Variants in ZKSCAN5 observed in about 807,000 individuals in gnomAD.
The protein encoded by ZKSCAN5 is zinc finger with KRAB and SCAN domains 5, also known as zinc finger protein with KRAB and SCAN domains 5.
A neutral mutation model predicts 60.0 loss-of-function variants in ZKSCAN5; 28 were observed. The observed-to-expected ratio is 0.47, with a 90% CI of 0.35 to 0.64. ZKSCAN5 has a LOEUF of 0.64. Among genes scored for constraint, ZKSCAN5 ranks in the 30% least tolerant of loss-of-function variants. The probability of loss-of-function intolerance (pLI) is 0.01; values close to 1 mark genes in which losing one functional copy is unlikely to be tolerated. For synonymous variants in ZKSCAN5, 361 were observed against 371.2 expected, an observed-to-expected ratio of 0.97 and a Z score of 0.31; for missense variants, 881 against 1,034.6, an observed-to-expected ratio of 0.85 and a Z score of 2.04.
At chr7:99,512,731 C>T (rs1170080646) in intron 3 of ZKSCAN5, 140 bp downstream of exon 3, 2 of 1,088,292 alleles carry the variant, frequency 1.8e-6, no homozygotes, top group Non-Finnish European at 2.4e-6. Flanking sequence ...AGGGAAAGGC[C>T]AGGGACCTGG....
intron 1 of ZKSCAN5, chr7:99,505,009 CA>C (rs1464351074): frequency 6.6e-6 from 1 of 152,420 alleles, no homozygotes; most frequent in Non-Finnish European, 1.5e-5. Context: ...TGGGATGGAG[CA>C]GGGGAGAGAG....
rs1800707978 is a variant in ZKSCAN5 at position 99,506,057 on chromosome 7, G to A, written c.13G>A (p.Glu5Lys). ...CCTCTGAGTTGGAATGATAATGACC[G>A]AATCCCGAGAAGTTATAGACTTAGA... MIMT[E>K]SREVIDLDPP... The change falls in exon 2 of 7, where the codon GAA (glutamate) becomes AAA (lysine). Residue 5 changes from glutamate (E) to lysine (K), a missense_variant. Physicochemically the swap from Glu to Lys is moderately conservative, Grantham distance 56. Coordinates refer to ENST00000326775, the MANE Select transcript of ZKSCAN5 (RefSeq NM_145102.4). The A allele has an allele frequency of 1.2e-6, 2 of 1,613,248 alleles. No homozygotes were observed. The highest frequency in any genetic ancestry group is 8.5e-7 in the Non-Finnish European group (1 of 1,179,490).
chr7:99,512,570 C>T lies in ZKSCAN5; in HGVS notation c.532C>T (p.Pro178Ser). Reference sequence around the variant, plus strand: ...CCAGCCTGAGCAAGCGCCACAGAAGCCTCGTCTCCTGGAGGAAAATGGTGA... The same window carrying T: ...CCAGCCTGAGCAAGCGCCACAGAAGTCTCGTCTCCTGGAGGAAAATGGTGA... ...DTQPEQAPQKPRLLEENALPV... is the reference protein window; with the variant it reads ...DTQPEQAPQKSRLLEENALPV... Residue 178 changes from proline to serine, a missense_variant, in exon 3 of 7, where the codon CCT (proline) becomes TCT (serine). Physicochemically the swap from Pro to Ser is moderately conservative, Grantham distance 74 (BLOSUM62 -1). Coordinates refer to ENST00000326775, the MANE Select transcript of ZKSCAN5 (RefSeq NM_145102.4). 1 of 1,614,092 alleles carries T rather than the reference C, an allele frequency of 6.2e-7. No homozygotes were observed. Among genetic ancestry groups the T allele is most frequent in the South Asian group, 1.1e-5 (1 of 91,082 alleles).
chr7:99,509,894 C>T (rs1368913709), intron 2 of ZKSCAN5, among the ~76,000 whole-genome samples: 2 of 151,998 alleles, frequency 1.3e-5, no homozygotes, highest in Non-Finnish European at 2.9e-5. Flanking sequence ...GAGTTGTAAG[C>T]GTTATTTATC....
chr7:99,514,234 T>C (rs997523481), intron 3 of ZKSCAN5, among the ~76,000 whole-genome samples: 9 of 152,212 alleles, frequency 5.9e-5, no homozygotes, highest in African/African-American at 2.2e-4. Context: ...TTGTTCATCA[T>C]TGATTCTTGA....
chr7:99,528,279 T>G (rs1197435992), intron 6 of ZKSCAN5, among the ~76,000 whole-genome samples: 1 of 152,176 alleles, frequency 6.6e-6, no homozygotes, highest in African/African-American at 2.4e-5. Flanking sequence ...GATTCCCTCA[T>G]TTGGAAAATC....
At chr7:99,527,004 C>A (rs1479009551) in intron 6 of ZKSCAN5, among the ~76,000 whole-genome samples, 2 of 152,124 alleles carry the variant, frequency 1.3e-5, no homozygotes, top group Admixed American at 1.3e-4. Flanking sequence ...CTCTCTTTCC[C>A]CTTTTCCCAA....
At chr7:99,526,470 G>C (rs1399484865) in intron 6 of ZKSCAN5, 52 bp downstream of exon 6, 1 of 1,559,426 alleles carries the variant, frequency 6.4e-7, no homozygotes, top group Non-Finnish European at 8.6e-7. Flanking sequence ...AAAAGCAAAA[G>C]GTGTTTTATT....
At chr7:99,525,141 G>A (rs1801717963) in intron 5 of ZKSCAN5, among the ~76,000 whole-genome samples, 1 of 151,098 alleles carries the variant, frequency 6.6e-6, no homozygotes, top group Non-Finnish European at 1.5e-5. Context: ...ACTCCAGCCT[G>A]GGTGGCAGAG....
At chr7:99,511,037 C>G (rs1466317412) in intron 2 of ZKSCAN5, among the ~76,000 whole-genome samples, 1 of 152,150 alleles carries the variant, frequency 6.6e-6, no homozygotes, top group Non-Finnish European at 1.5e-5. Context: ...AGCCATCATG[C>G]CCGGCCTGCA....
chr7:99,527,397 T>G (rs1801839038), intron 6 of ZKSCAN5, among the ~76,000 whole-genome samples: 1 of 150,464 alleles, frequency 6.6e-6, no homozygotes, highest in Non-Finnish European at 1.5e-5. Flanking sequence ...TTGGAGAAAA[T>G]AAAAAGAAAA....
chr7:99,518,132 G>T (rs1801346684), intron 3 of ZKSCAN5, among the ~76,000 whole-genome samples: 1 of 152,038 alleles, frequency 6.6e-6, no homozygotes, highest in Non-Finnish European at 1.5e-5. Flanking sequence ...GAGCTTATTA[G>T]AAGTGCAAAC....
rs114128574 is a variant in ZKSCAN5 at position 99,521,486 on chromosome 7, C to T, written c.772+1182C>T. Among the ~76,000 whole-genome samples, 730 of 152,264 alleles carry T rather than the reference C, an allele frequency of 4.8e-3. 2 individuals carry two copies. Among genetic ancestry groups the T allele is most frequent in the African/African-American group, 0.017 (697 of 41,542 alleles). Reference sequence around the variant, plus strand: ...GTTGGGATTAACAGGTGTGAGCCACCATGCCCCGCCCACAATGCAAAATTT... The same window carrying T: ...GTTGGGATTAACAGGTGTGAGCCACTATGCCCCGCCCACAATGCAAAATTT... On this transcript the variant is annotated intron_variant, in intron 5 of 6. Transcript: ENST00000326775.
At chr7:99,511,533 C>A (rs1451964300) in intron 2 of ZKSCAN5, among the ~76,000 whole-genome samples, 1 of 151,696 alleles carries the variant, frequency 6.6e-6, no homozygotes, top group African/African-American at 2.4e-5. Context: ...GCCTTGACCT[C>A]CTGGGCTCAA....
Position 99,531,213 on chromosome 7 carries a change from C to T in ZKSCAN5, c.1484C>T (p.Ser495Phe). ...ELSGKTQRNV[S>F]QVQDFGEGCE... is the part of the protein sequence containing the mutation. Reference sequence around the variant, plus strand: ...TCTGGAAAAACCCAAAGAAATGTTTCTCAAGTTCAAGATTTTGGAGAAGGC... The same window carrying T: ...TCTGGAAAAACCCAAAGAAATGTTTTTCAAGTTCAAGATTTTGGAGAAGGC... The change falls in exon 7 of 7, where the codon TCT (serine) becomes TTT (phenylalanine). Residue 495 changes from serine (S) to phenylalanine (F), a missense_variant. Physicochemically the swap from Ser to Phe is radical, Grantham distance 155. Coordinates refer to ENST00000326775, the MANE Select transcript of ZKSCAN5 (RefSeq NM_145102.4). 4 of 1,614,064 alleles carry T rather than the reference C, an allele frequency of 2.5e-6. No individual in the cohort carries two copies. The highest frequency in any genetic ancestry group is 3.4e-6 in the Non-Finnish European group (4 of 1,180,026).
Position 99,519,784 on chromosome 7 carries a change from G to A in ZKSCAN5, c.554-43G>A, listed in dbSNP as rs1417011976. The A allele has an allele frequency of 3.2e-6, 5 of 1,574,238 alleles. No individual in the cohort carries two copies. In the Admixed American group the frequency reaches 8.3e-5, roughly 26 times the overall value. On this transcript the variant is annotated intron_variant, in intron 3 of 6. Coordinates refer to ENST00000326775, the MANE Select transcript of ZKSCAN5 (RefSeq NM_145102.4). The stretch of plus-strand genomic sequence containing the variant: ...AGGAACATGATGGCAATGAGAACCG[G>A]GCAAAGATGTTCTCACTTAAACCTC...
intron 3 of ZKSCAN5, among the ~76,000 whole-genome samples, chr7:99,518,670 C>CTTTTTT (rs993896580): frequency 9.8e-5 from 9 of 92,224 alleles, no homozygotes; most frequent in South Asian, 4.3e-4. Context: ...AGAATGCATC[C>CTTTTTT]TTTTTTTTTT....
intron 6 of ZKSCAN5, 28 bp downstream of exon 6, chr7:99,526,446 G>A: frequency 6.3e-7 from 1 of 1,576,432 alleles, no homozygotes; most frequent in Non-Finnish European, 8.6e-7. Flanking sequence ...ATATCCGGGG[G>A]ATAAATGGAG....
At position 99,532,105 on chromosome 7, in the gene ZKSCAN5, G is replaced by C. The variant is rs1301204598; in HGVS notation, c.2376G>C (p.Gln792His). 1 of 1,614,064 alleles carries C rather than the reference G, an allele frequency of 6.2e-7. No individual in the cohort carries two copies. The highest frequency in any genetic ancestry group is 1.3e-5 in the African/African-American group (1 of 74,936). The change falls in exon 7 of 7, where the codon CAG (glutamine) becomes CAC (histidine). Residue 792 changes from glutamine (Q) to histidine (H), a missense_variant. Physicochemically the swap from Gln to His is conservative, Grantham distance 24 (BLOSUM62 0). Transcript: ENST00000326775. ...FTLKSHLNQHQRIHTGEKPFQ... is the reference protein window; with the variant it reads ...FTLKSHLNQHHRIHTGEKPFQ... The stretch of plus-strand genomic sequence containing the variant: ...TGAAGTCACATCTTAATCAACATCA[G>C]AGAATCCATACTGGTGAGAAACCTT...
Sources: gnomAD v4.1 joint callset for allele counts (sites outside exome capture counted in the v4.1 genomes callset) on GRCh38, gnomAD v4.1.1 for gene constraint, MANE v1.5 for transcripts, NCBI Gene and HGNC (gene_info 2026-07-23, HGNC 2026-07-21) for gene names.